NEBL: variants seen among roughly 807,000 people sequenced by gnomAD.
The protein encoded by NEBL is nebulette, also known as LIM and SH3 protein 2.
Under a neutral mutation model 140.2 loss-of-function variants are expected in NEBL, and 122 were observed. The observed-to-expected ratio is 0.87, with a 90% CI of 0.75 to 1.01. The LOEUF (loss-of-function observed/expected upper bound fraction) is 1.01, where lower values mean the gene tolerates loss of function less well. Among genes scored for constraint, NEBL ranks in the 50% least tolerant of loss-of-function variants. The probability of loss-of-function intolerance (pLI) is 0.00; values close to 1 mark genes in which losing one functional copy is unlikely to be tolerated. For synonymous variants in NEBL, 436 were observed against 398.9 expected, an observed-to-expected ratio of 1.09 and a Z score of -1.11; for missense variants, 1,365 against 1,231.3, an observed-to-expected ratio of 1.11 and a Z score of -1.62.
intron 2 of NEBL, among the ~76,000 whole-genome samples, chr10:21,093,184 A>C (rs1177312230): frequency 5.1e-5 from 4 of 79,002 alleles, no homozygotes; most frequent in Non-Finnish European, 9.6e-5. Flanking sequence ...GCAGAGCCAA[A>C]TGAAGATTCT....
intron 3 of NEBL, among the ~76,000 whole-genome samples, chr10:21,246,308 T>C (rs1443904537): frequency 1.3e-5 from 2 of 152,234 alleles, no homozygotes. Flanking sequence ...TGGGCAGTTC[T>C]TACAATATTT....
intron 2 of NEBL, 47 bp from the exon 3 acceptor site, chr10:20,889,996 T>C (rs769854423): frequency 1.1e-5 from 13 of 1,226,512 alleles, no homozygotes; most frequent in African/African-American, 1.5e-5. Flanking sequence ...GAAAAACAAT[T>C]CTAATGGCCT....
intron 4 of NEBL, among the ~76,000 whole-genome samples, chr10:20,886,361 A>G (rs1846518972): frequency 6.9e-6 from 1 of 145,742 alleles, no homozygotes; most frequent in South Asian, 2.2e-4. Context: ...CGTCTCTACT[A>G]AAAAAAAAAA....
chr10:21,191,862 C>A lies in NEBL; in HGVS notation n.349-19385G>T, dbSNP rs552999684. ...ATTTGATGATCAAAAGCTTCCCCAA[C>A]TTCTAAAACTAGAAATGATGCAGGA... is the stretch of plus-strand genomic sequence containing the variant. On this transcript the variant is annotated intron_variant and non_coding_transcript_variant, in intron 3 of 8. Transcript: ENST00000675702. 2.0e-3 allele frequency among the ~76,000 whole-genome samples: 298 copies of A among 152,318 alleles called. 1 individual carries two copies. Among genetic ancestry groups the A allele is most frequent in the Non-Finnish European group, 3.5e-3 (240 of 68,024 alleles).
intron 4 of NEBL, among the ~76,000 whole-genome samples, chr10:20,911,877 A>C (rs760866164): frequency 7.9e-5 from 12 of 152,236 alleles, no homozygotes. Flanking sequence ...TTCAAGCAAC[A>C]ACACCGTCAA....
intron 2 of NEBL, among the ~76,000 whole-genome samples, chr10:21,021,762 A>G (rs576716614): frequency 6.6e-6 from 1 of 152,264 alleles, no homozygotes; most frequent in African/African-American, 2.4e-5. Flanking sequence ...CAGTACAACG[A>G]AAGTTCTGTG....
Position 21,291,504 on chromosome 10 carries a change from TA to T in NEBL, n.182+1325del, listed in dbSNP as rs747203288. Among the ~76,000 whole-genome samples, 749 of 116,398 alleles carry T rather than the reference TA, an allele frequency of 6.4e-3. 4 individuals are homozygous for T. The highest frequency in any genetic ancestry group is 9.9e-3 in the African/African-American group (312 of 31,388). 76.4% of individuals were successfully genotyped at this position (116,398 alleles called of 152,430 possible). On this transcript the variant is annotated intron_variant and non_coding_transcript_variant, in intron 1 of 8. Coordinates refer to the NEBL transcript ENST00000675702. The stretch of plus-strand genomic sequence containing the variant: ...CTGGGTGACAGAGCAAGACTCTGTC[TA>T]AAAAAAAAAAAAAAGAAGAAGAAGA...
rs114085205 is a variant in NEBL, at chr10:20,835,656, A to T, written c.1339-33T>A. On this transcript the variant is annotated intron_variant, in intron 13 of 27. Coordinates refer to ENST00000377122, the MANE Select transcript of NEBL (RefSeq NM_006393.3). ...AGACAACATTTTACAACATTCAAAC[A>T]CTCAGTGGGCAAACATGCATCTGCA... 4.6e-4 allele frequency: 666 copies of T among 1,439,144 alleles called. 1 individual carries two copies. In the African/African-American group the frequency reaches 8.5e-3, roughly 18 times the overall value. 89.1% of individuals were successfully genotyped at this position (1,439,144 alleles called of 1,614,324 possible). A position where few individuals can be genotyped will look rare whatever the true frequency, so the allele number is the denominator to read the frequency against.
chr10:20,888,416 A>G lies in NEBL; in HGVS notation c.259-209T>C, dbSNP rs371974416. ...CAATTTATCATAGAGAACGCTTTCA[A>G]TGAGACATGCAAGGACATAATGGCT... On this transcript the variant is annotated intron_variant, in intron 3 of 27. Coordinates refer to ENST00000377122, the MANE Select transcript of NEBL (RefSeq NM_006393.3). Among the ~76,000 whole-genome samples the G allele has an allele frequency of 1.2e-4, 19 of 152,360 alleles. 2 individuals are homozygous for G. Among genetic ancestry groups the G allele is most frequent in the Admixed American group, 5.9e-4 (9 of 15,310 alleles).
At chr10:20,973,450 A>C (rs1836666868) in intron 3 of NEBL, among the ~76,000 whole-genome samples, 1 of 152,064 alleles carries the variant, frequency 6.6e-6, no homozygotes, top group Non-Finnish European at 1.5e-5. Flanking sequence ...GGGTCACACT[A>C]TATTTCCCAG....
chr10:20,850,592 T>A lies in NEBL; in HGVS notation c.1009-90A>T, dbSNP rs534925117. On this transcript the variant is annotated intron_variant, in intron 10 of 27. Transcript: ENST00000377122. ...AAAAATATATGTTCTAAACTAGTCA[T>A]CTTGTTGTCTAAAATCATATTATTC... is the stretch of plus-strand genomic sequence containing the variant. 48 of 837,274 alleles carry A rather than the reference T, an allele frequency of 5.7e-5. No homozygotes were observed. In the South Asian group the frequency reaches 6.6e-4, roughly 12 times the overall value. The allele number at this position is 837,274 out of a possible 1,614,324, so 51.9% of individuals were successfully genotyped here. A position where few individuals can be genotyped will look rare whatever the true frequency, so the allele number is the denominator to read the frequency against.
At chr10:20,883,257 C>T (rs1159690324) in intron 4 of NEBL, among the ~76,000 whole-genome samples, 1 of 152,166 alleles carries the variant, frequency 6.6e-6, no homozygotes, top group Non-Finnish European at 1.5e-5. Context: ...ACCTTTAAGT[C>T]TTATTCAGTC....
chr10:21,005,333 A>G (rs78993744), intron 3 of NEBL, among the ~76,000 whole-genome samples: 2,775 of 152,304 alleles, frequency 0.018, 77 homozygotes, highest in African/African-American at 0.063. Context: ...CAGCTGGTCA[A>G]ATTGGCCAGA....
At chr10:20,945,957 G>A (rs1835136778) in intron 4 of NEBL, among the ~76,000 whole-genome samples, 1 of 152,190 alleles carries the variant, frequency 6.6e-6, no homozygotes, top group Admixed American at 6.5e-5. Context: ...AGTGAAATGA[G>A]AATAATGACA....
intron 3 of NEBL, 125 bp downstream of exon 3, chr10:20,889,720 G>T: frequency 1.4e-6 from 1 of 704,724 alleles, no homozygotes. Flanking sequence ...TAATTATGTA[G>T]CTATTACTAA....
At chr10:20,859,852 G>T in intron 7 of NEBL, 26 bp from the exon 8 acceptor site, 1 of 1,086,620 alleles carries the variant, frequency 9.2e-7, no homozygotes, top group Non-Finnish European at 1.4e-6. Context: ...AATAGTACAT[G>T]TAACTTTACA....
chr10:21,230,748 GCACCCACCGC>G (rs1198241493), intron 3 of NEBL, among the ~76,000 whole-genome samples: 4 of 151,964 alleles, frequency 2.6e-5, no homozygotes, highest in Non-Finnish European at 5.9e-5. Flanking sequence ...GGGATTAAAG[GCACCCACCGC>G]CAAGCCCAGC....
intron 2 of NEBL, among the ~76,000 whole-genome samples, chr10:21,133,746 C>T (rs559109206): frequency 5.3e-4 from 80 of 152,164 alleles, no homozygotes; most frequent in African/African-American, 1.9e-3. Context: ...AAATAATAGC[C>T]GTGTAGGGTT....
At chr10:20,801,198 ATTTATT>A (rs1295409965) in intron 26 of NEBL, among the ~76,000 whole-genome samples, 18 of 150,644 alleles carry the variant, frequency 1.2e-4, no homozygotes, top group African/African-American at 4.1e-4. Flanking sequence ...TTTAAATTTT[ATTTATT>A]TTTATTTTTA....
Sources: gnomAD v4.1 joint callset for allele counts (sites outside exome capture counted in the v4.1 genomes callset) on GRCh38, gnomAD v4.1.1 for gene constraint, MANE v1.5 for transcripts, NCBI Gene and HGNC (gene_info 2026-07-23, HGNC 2026-07-21) for gene names.